Variants in PIK3C2G observed in about 807,000 individuals in gnomAD.
PIK3C2G encodes the protein phosphatidylinositol-4-phosphate 3-kinase catalytic subunit type 2 gamma, also known as phosphatidylinositol 3-kinase C2 domain-containing subunit gamma.
In PIK3C2G, 168 loss-of-function variants were observed where a neutral mutation model predicts 181.1. The observed-to-expected ratio is 0.93, with a 90% CI of 0.82 to 1.05. PIK3C2G has a LOEUF of 1.05. Ranked by LOEUF, PIK3C2G falls within the 50% of genes least tolerant of loss-of-function variation. PIK3C2G has a pLI of 0.00. For missense variants in PIK3C2G, 1,869 were observed against 1,732.8 expected (o/e 1.08, Z -1.40); for synonymous variants, 573 against 592.2 (o/e 0.97, Z 0.47).
chr12:18,397,469 T>C (rs538325958), intron 15 of PIK3C2G, among the ~76,000 whole-genome samples: 2 of 151,866 alleles, frequency 1.3e-5, no homozygotes, highest in Admixed American at 6.5e-5. Flanking sequence ...AACAAAAAAA[T>C]TGGGAAAATA....
intron 22 of PIK3C2G, among the ~76,000 whole-genome samples, chr12:18,499,286 A>G (rs749324773): frequency 1.6e-4 from 25 of 152,242 alleles, no homozygotes; most frequent in Non-Finnish European, 3.2e-4. Flanking sequence ...AATAGAGATC[A>G]TTAAAACAAA....
intron 30 of PIK3C2G, among the ~76,000 whole-genome samples, chr12:18,599,219 T>C (rs1314905315): frequency 6.6e-6 from 1 of 152,230 alleles, no homozygotes; most frequent in African/African-American, 2.4e-5. Context: ...TGCGGCATTA[T>C]TCACAATAGC....
chr12:18,681,250 G>A, the PIK3C2G span, among the ~76,000 whole-genome samples: 2 of 152,030 alleles, frequency 1.3e-5, no homozygotes, highest in Non-Finnish European at 2.9e-5. Context: ...AGAAGCGTAA[G>A]TCAGGGAATA....
At chr12:18,665,359 T>G in the PIK3C2G span, among the ~76,000 whole-genome samples, 1,181 of 152,034 alleles carry the variant, frequency 7.8e-3, 11 homozygotes, top group African/African-American at 0.027. Context: ...ACTGCACCTC[T>G]AAAAATGGCT....
At chr12:18,587,648 A>G (rs190902100) in intron 29 of PIK3C2G, among the ~76,000 whole-genome samples, 12 of 152,024 alleles carry the variant, frequency 7.9e-5, no homozygotes, top group African/African-American at 2.9e-4. Flanking sequence ...TACAGAGTCA[A>G]TGCTATTCCT....
intron 5 of PIK3C2G, among the ~76,000 whole-genome samples, chr12:18,298,575 T>C (rs140960202): frequency 2.1e-4 from 32 of 151,980 alleles, no homozygotes; most frequent in African/African-American, 7.7e-4. Context: ...TGTATTTTTG[T>C]TTTTGTTGCC....
At chr12:18,560,094 G>A (rs2136324801) in intron 26 of PIK3C2G, among the ~76,000 whole-genome samples, 1 of 151,620 alleles carries the variant, frequency 6.6e-6, no homozygotes, top group African/African-American at 2.4e-5. Context: ...GCCTCCCAAA[G>A]TGCTGGGATT....
intron 24 of PIK3C2G, among the ~76,000 whole-genome samples, chr12:18,509,091 A>T (rs1463500679): frequency 6.6e-6 from 1 of 152,020 alleles, no homozygotes; most frequent in Admixed American, 6.6e-5. Context: ...TCGCTCTGTC[A>T]CCGAGGCTGG....
At chr12:18,266,114 G>T (rs1387486609) in intron 1 of PIK3C2G, among the ~76,000 whole-genome samples, 1 of 147,794 alleles carries the variant, frequency 6.8e-6, no homozygotes, top group Admixed American at 6.8e-5. Context: ...ATCATCATTA[G>T]ATGTCAGTGA....
the PIK3C2G span, chr12:18,688,348 G>C: frequency 3.4e-6 from 3 of 892,056 alleles, no homozygotes; most frequent in African/African-American, 1.7e-5. Flanking sequence ...ATTGAAAGTG[G>C]AATACAATAC....
chr12:18,679,700 G>A, the PIK3C2G span, among the ~76,000 whole-genome samples: 2 of 151,940 alleles, frequency 1.3e-5, no homozygotes, highest in Non-Finnish European at 2.9e-5. Context: ...CAGATATTGT[G>A]ATTAATACAT....
intron 30 of PIK3C2G, among the ~76,000 whole-genome samples, chr12:18,608,562 TG>T (rs1267389125): frequency 1.6e-5 from 1 of 63,930 alleles, no homozygotes; most frequent in Non-Finnish European, 2.8e-5. Context: ...TGTTGTGGGG[TG>T]GGGGGAGGGG....
chr12:18,275,596 T>C (rs1948950393), intron 1 of PIK3C2G, among the ~76,000 whole-genome samples: 1 of 152,168 alleles, frequency 6.6e-6, no homozygotes. Flanking sequence ...TTGGCCAGGC[T>C]GGCCTCAAAC....
At chr12:18,421,092 G>A (rs1592216921) in intron 17 of PIK3C2G, 58 bp downstream of exon 17, 7 of 947,650 alleles carry the variant, frequency 7.4e-6, no homozygotes, top group Admixed American at 1.9e-5. Context: ...TCTCTAAAAG[G>A]TTCCTAATGA....
intron 18 of PIK3C2G, among the ~76,000 whole-genome samples, chr12:18,469,664 C>T (rs1050252847): frequency 8.6e-5 from 13 of 151,914 alleles, no homozygotes; most frequent in Admixed American, 2.6e-4. Flanking sequence ...TTTCTCTCTC[C>T]CCTCCACTTC....
At chr12:18,617,087 G>A (rs2136642941) in intron 31 of PIK3C2G, among the ~76,000 whole-genome samples, 1 of 152,166 alleles carries the variant, frequency 6.6e-6, no homozygotes, top group East Asian at 1.9e-4. Flanking sequence ...TTACTGAGTG[G>A]CAGAATCTTC....
At chr12:18,617,610 G>A (rs1307469370) in intron 31 of PIK3C2G, among the ~76,000 whole-genome samples, 1 of 152,016 alleles carries the variant, frequency 6.6e-6, no homozygotes, top group East Asian at 1.9e-4. Flanking sequence ...TATAGCATTA[G>A]CAGTCTATTT....
the PIK3C2G span, among the ~76,000 whole-genome samples, chr12:18,707,872 T>G: frequency 6.6e-6 from 1 of 152,202 alleles, no homozygotes; most frequent in African/African-American, 2.4e-5. Context: ...TGGGTGTTTT[T>G]AAATGCATTT....
At chr12:18,474,341 A>AT (rs1389051310) in intron 18 of PIK3C2G, among the ~76,000 whole-genome samples, 2 of 151,938 alleles carry the variant, frequency 1.3e-5, no homozygotes, top group African/African-American at 4.8e-5. Context: ...TGATACTAGA[A>AT]TTTTTTAATT....
Sources: gnomAD v4.1 joint callset for allele counts (sites outside exome capture counted in the v4.1 genomes callset) on GRCh38, gnomAD v4.1.1 for gene constraint, MANE v1.5 for transcripts, NCBI Gene and HGNC (gene_info 2026-07-23, HGNC 2026-07-21) for gene names.